MOB3B: variants seen among roughly 807,000 people sequenced by gnomAD.
MOB3B encodes MOB kinase activator 3B, also known as MOB kinase activator-like 2B.
A neutral mutation model predicts 18.7 loss-of-function variants in MOB3B; 7 were observed. The ratio of observed to expected loss-of-function variants is 0.37; its 90% CI spans 0.21 to 0.70. The LOEUF is 0.70. MOB3B is among the 30% of genes least tolerant of loss of function. The pLI is 0.52. For synonymous variants in MOB3B, 111 were observed against 99.9 expected (o/e 1.11, Z -0.66); for missense variants, 253 against 281.3 (o/e 0.90, Z 0.72).
chr9:27,331,623 C>T (rs1469454774), intron 3 of MOB3B, among the ~76,000 whole-genome samples: 1 of 152,216 alleles, frequency 6.6e-6, no homozygotes, highest in Non-Finnish European at 1.5e-5. Context: ...AGGGTAGTGG[C>T]TCCTCTTTCA....
At chr9:27,351,303 C>T (rs908752659) in intron 3 of MOB3B, among the ~76,000 whole-genome samples, 4 of 151,986 alleles carry the variant, frequency 2.6e-5, no homozygotes, top group Non-Finnish European at 1.5e-5. Flanking sequence ...CAGTAGTAAT[C>T]CCAGTAGGTC....
intron 2 of MOB3B, among the ~76,000 whole-genome samples, chr9:27,388,854 T>A (rs1336597277): frequency 6.6e-6 from 1 of 152,158 alleles, no homozygotes; most frequent in Admixed American, 6.5e-5. Context: ...ACCCATTCCA[T>A]AATCCACAGG....
intron 2 of MOB3B, among the ~76,000 whole-genome samples, chr9:27,371,814 T>C (rs980157399): frequency 1.3e-5 from 2 of 150,870 alleles, no homozygotes; most frequent in Non-Finnish European, 2.9e-5. Context: ...AGACCTTCTG[T>C]TTTTTTTCAA....
intron 2 of MOB3B, among the ~76,000 whole-genome samples, chr9:27,438,175 ACC>A (rs1822540887): frequency 6.6e-6 from 1 of 152,216 alleles, no homozygotes; most frequent in East Asian, 1.9e-4. Context: ...GGTCATCGTC[ACC>A]CTACCGTATA....
At chr9:27,365,845 C>T (rs947138369) in intron 2 of MOB3B, among the ~76,000 whole-genome samples, 4 of 152,274 alleles carry the variant, frequency 2.6e-5, no homozygotes, top group East Asian at 1.9e-4. Context: ...TTTCTGCAAA[C>T]GGACCAGTAC....
chr9:27,440,842 G>A (rs534729334), intron 2 of MOB3B, among the ~76,000 whole-genome samples: 1 of 152,184 alleles, frequency 6.6e-6, no homozygotes, highest in African/African-American at 2.4e-5. Flanking sequence ...GTACTGGTGG[G>A]TAAATACCAT....
chr9:27,481,490 G>A (rs1454539406), intron 1 of MOB3B, among the ~76,000 whole-genome samples: 1 of 146,964 alleles, frequency 6.8e-6, no homozygotes, highest in East Asian at 2.0e-4. Context: ...CCTGTCTAAG[G>A]AAGGTAGTTT....
rs563125130 is a variant in MOB3B at position 27,457,174 on chromosome 9, C to T, written c.-198-1426G>A. On this transcript the variant is annotated intron_variant, in intron 1 of 3. Coordinates refer to ENST00000262244, the MANE Select transcript of MOB3B (RefSeq NM_024761.5). ...TATTCCCAAAAGTAATGGACTTCGACTTGTCTTTCCTACTGGTTTACAAAG... is the reference window on the plus strand; with the variant it reads ...TATTCCCAAAAGTAATGGACTTCGATTTGTCTTTCCTACTGGTTTACAAAG... Among the ~76,000 whole-genome samples, 12 of 152,368 alleles carry T rather than the reference C, an allele frequency of 7.9e-5. No homozygotes were observed. In the South Asian group the frequency reaches 2.5e-3, roughly 32 times the overall value.
intron 2 of MOB3B, among the ~76,000 whole-genome samples, chr9:27,426,994 G>C (rs939657165): frequency 4.6e-5 from 7 of 152,200 alleles, no homozygotes; most frequent in Admixed American, 4.6e-4. Context: ...GATTATTCTA[G>C]GTGCCAATTT....
chr9:27,473,866 C>T (rs1455554290), intron 1 of MOB3B, among the ~76,000 whole-genome samples: 3 of 152,198 alleles, frequency 2.0e-5, no homozygotes, highest in Non-Finnish European at 1.5e-5. Flanking sequence ...CAAATTCTAA[C>T]CTCCAATGTG....
intron 1 of MOB3B, chr9:27,525,070 T>C (rs1038427094): frequency 1.1e-6 from 1 of 941,240 alleles, no homozygotes; most frequent in East Asian, 2.6e-5. Context: ...CTGTCCTCAG[T>C]TGGACTGGTA....
rs541048354 is a variant in MOB3B, at chr9:27,332,834, C to G, written c.622-2218G>C. On this transcript the variant is annotated intron_variant, in intron 3 of 3. Transcript: ENST00000262244. ...GAAAGCTGCAGGTCTACGGTTTAAACTCAGGTCTATCTGACCGCAAAGGCT... is the reference window on the plus strand; with the variant it reads ...GAAAGCTGCAGGTCTACGGTTTAAAGTCAGGTCTATCTGACCGCAAAGGCT... 3.3e-4 allele frequency among the ~76,000 whole-genome samples: 50 copies of G among 152,238 alleles called. 1 individual carries two copies. The highest frequency in any genetic ancestry group is 6.8e-4 in the Non-Finnish European group (46 of 68,042).
intron 3 of MOB3B, among the ~76,000 whole-genome samples, chr9:27,343,286 T>C (rs920729729): frequency 5.3e-5 from 8 of 151,486 alleles, no homozygotes; most frequent in Admixed American, 2.6e-4. Flanking sequence ...GCATGCTCCT[T>C]AAGAGTCATC....
chr9:27,447,857 G>C (rs72723297), intron 2 of MOB3B, among the ~76,000 whole-genome samples: 30,461 of 152,150 alleles, frequency 0.2, 3,954 homozygotes, highest in East Asian at 0.51. Context: ...GGATTCAGCT[G>C]TCTCTGCATG....
chr9:27,341,783 A>G (rs1213305490), intron 3 of MOB3B, among the ~76,000 whole-genome samples: 1 of 152,174 alleles, frequency 6.6e-6, no homozygotes, highest in Admixed American at 6.5e-5. Flanking sequence ...TGACTTGCCC[A>G]AGGTTACATG....
chr9:27,363,322 A>G (rs10118610), intron 2 of MOB3B, among the ~76,000 whole-genome samples: 59,950 of 151,960 alleles, frequency 0.39, 11,986 homozygotes, highest in Middle Eastern at 0.42. Flanking sequence ...TTCGCCCAGT[A>G]CAGTGGCAGG....
In MOB3B at chr9:27,359,086, T is replaced by A; in HGVS notation, c.569A>T (p.Tyr190Phe). The A allele has an allele frequency of 6.2e-7, 1 of 1,614,076 alleles. No homozygotes were observed. Among genetic ancestry groups the A allele is most frequent in the East Asian group, 2.2e-5 (1 of 44,864 alleles). The change falls in exon 3 of 4, where the codon TAT becomes TTT. Residue 190 changes from tyrosine (Y) to phenylalanine (F), a missense_variant. Coordinates refer to ENST00000262244, the MANE Select transcript of MOB3B (RefSeq NM_024761.5). ...GAGGTTCATCTCTGTGACAAAGTAA[T>A]AGAAGTGTTTGTAGCAGGTGTTGAC... ...AHVNTCYKHF[Y>F]YFVTEMNLID...
chr9:27,434,802 T>G (rs1822472863), intron 2 of MOB3B, among the ~76,000 whole-genome samples: 1 of 152,146 alleles, frequency 6.6e-6, no homozygotes, highest in Admixed American at 6.6e-5. Context: ...ACACTTGAGT[T>G]GAGGCTCTCA....
chr9:27,340,886 T>C (rs1820930783), intron 3 of MOB3B, among the ~76,000 whole-genome samples: 1 of 152,328 alleles, frequency 6.6e-6, no homozygotes, highest in South Asian at 2.1e-4. Flanking sequence ...CTCCTTCTCA[T>C]ACCCAGCATT....
Sources: allele counts gnomAD v4.1 joint callset (sites outside exome capture counted in the v4.1 genomes callset), GRCh38; gene constraint gnomAD v4.1.1; transcripts MANE v1.5; gene names NCBI Gene and HGNC (gene_info 2026-07-23, HGNC 2026-07-21).